The following ZFHX3 variants were observed in gnomAD, a reference collection of about 807,000 sequenced individuals.
ZFHX3 encodes zinc finger homeobox 3, also known as zinc finger homeobox protein 3.
ZFHX3 carries 42 observed loss-of-function variants against 279.1 expected under a neutral mutation model. That is an observed-to-expected ratio of 0.15 (90% CI 0.12 to 0.19). ZFHX3 has a LOEUF of 0.19. Ranked by LOEUF, ZFHX3 falls within the 10% of genes least tolerant of loss-of-function variation. ZFHX3 has a pLI of 1.00. For missense variants in ZFHX3, 4,981 were observed against 4,754.0 expected, an observed-to-expected ratio of 1.05 and a Z score of -1.40; for synonymous variants, 2,293 against 1,957.8, an observed-to-expected ratio of 1.17 and a Z score of -4.52.
At chr16:72,875,945 C>G (rs1233533533) in intron 4 of ZFHX3, among the ~76,000 whole-genome samples, 1 of 152,124 alleles carries the variant, frequency 6.6e-6, no homozygotes, top group Non-Finnish European at 1.5e-5. Context: ...GCCCATGCCC[C>G]GGTGATTTTT....
intron 5 of ZFHX3, among the ~76,000 whole-genome samples, chr16:73,183,210 A>G (rs1453476401): frequency 4.6e-5 from 7 of 152,200 alleles, no homozygotes; most frequent in Non-Finnish European, 1.0e-4. Context: ...GTCTAAAACA[A>G]AACAAAAAAA....
At chr16:73,719,352 G>C (rs557740063) in intron 1 of ZFHX3, among the ~76,000 whole-genome samples, 1 of 152,300 alleles carries the variant, frequency 6.6e-6, no homozygotes, top group Admixed American at 6.5e-5. Flanking sequence ...ATTATGTCAG[G>C]TGGCACCTGC....
chr16:73,088,904 C>A (rs60404764), intron 8 of ZFHX3, among the ~76,000 whole-genome samples: 6 of 151,950 alleles, frequency 3.9e-5, no homozygotes, highest in Non-Finnish European at 8.8e-5. Context: ...GTTTAGTATC[C>A]ATGGTGGGGG....
chr16:73,091,729 A>G (rs770614067), intron 8 of ZFHX3, among the ~76,000 whole-genome samples: 3 of 152,230 alleles, frequency 2.0e-5, no homozygotes, highest in Non-Finnish European at 2.9e-5. Context: ...AGAAATTCGC[A>G]AAATATAGCA....
At chr16:73,661,673 G>C (rs2052786088) in intron 2 of ZFHX3, among the ~76,000 whole-genome samples, 4 of 143,442 alleles carry the variant, frequency 2.8e-5, no homozygotes, top group African/African-American at 1.0e-4. Context: ...AGTGAGTTGA[G>C]ATCCTGCCTC....
At chr16:73,855,089 C>T (rs930824978) in intron 1 of ZFHX3, among the ~76,000 whole-genome samples, 11 of 152,080 alleles carry the variant, frequency 7.2e-5, no homozygotes, top group African/African-American at 2.7e-4. Context: ...ACAATAAGGA[C>T]CTTACATTTT....
chr16:73,546,709 G>T (rs1362522868), intron 2 of ZFHX3, among the ~76,000 whole-genome samples: 1 of 121,458 alleles, frequency 8.2e-6, no homozygotes, highest in Non-Finnish European at 1.5e-5. Context: ...TGCTGCTGCT[G>T]CTGCTGCTGC....
At chr16:73,103,983 C>T (rs562420421) in intron 7 of ZFHX3, among the ~76,000 whole-genome samples, 1 of 152,208 alleles carries the variant, frequency 6.6e-6, no homozygotes, top group Non-Finnish European at 1.5e-5. Context: ...GTCTATCTCC[C>T]AGTCTCACGG....
At chr16:72,859,444 CCTT>C (rs2037830062) in intron 4 of ZFHX3, among the ~76,000 whole-genome samples, 1 of 152,214 alleles carries the variant, frequency 6.6e-6, no homozygotes, top group Non-Finnish European at 1.5e-5. Flanking sequence ...CCCACCTCAG[CCTT>C]CTTCTCCCAA....
chr16:73,649,584 A>G (rs922300802), intron 2 of ZFHX3, among the ~76,000 whole-genome samples: 4 of 152,206 alleles, frequency 2.6e-5, no homozygotes, highest in Non-Finnish European at 4.4e-5. Context: ...TGAGTTTTAT[A>G]TTTTAAAAAA....
At chr16:73,741,412 C>G (rs994781644) in intron 1 of ZFHX3, among the ~76,000 whole-genome samples, 1 of 152,176 alleles carries the variant, frequency 6.6e-6, no homozygotes, top group Non-Finnish European at 1.5e-5. Flanking sequence ...CTTCTCCATG[C>G]TCCAGAAGCA....
intron 1 of ZFHX3, among the ~76,000 whole-genome samples, chr16:73,713,557 C>T (rs920815236): frequency 6.6e-6 from 1 of 152,138 alleles, no homozygotes; most frequent in African/African-American, 2.4e-5. Flanking sequence ...ATACTCCAGA[C>T]AGCTTTCAAA....
At chr16:73,554,789 A>C (rs544093214) in intron 2 of ZFHX3, 13 of 152,300 alleles carry the variant, frequency 8.5e-5, no homozygotes, top group Middle Eastern at 3.4e-3. Context: ...CCAGCCTCCC[A>C]GGGACTCTGC....
intron 3 of ZFHX3, among the ~76,000 whole-genome samples, chr16:73,346,343 C>T (rs867449459): frequency 6.6e-6 from 1 of 152,184 alleles, no homozygotes. Context: ...CTCTCGCCAC[C>T]ATGGATGCAC....
intron 1 of ZFHX3, among the ~76,000 whole-genome samples, chr16:73,000,636 T>C (rs2144594607): frequency 6.6e-6 from 1 of 152,308 alleles, no homozygotes; most frequent in South Asian, 2.1e-4. Flanking sequence ...TCTGAATAGC[T>C]GCCTAACCCA....
At position 72,794,476 on chromosome 16, in the gene ZFHX3, G is replaced by A. The variant is rs148004755; in HGVS notation, c.8206C>T (p.His2736Tyr). Residue 2736 changes from histidine (H) to tyrosine (Y), a missense_variant, in exon 9 of 10, where the codon CAT becomes TAT. His to Tyr is a moderately conservative substitution (Grantham distance 83). Coordinates refer to ENST00000268489, the MANE Select transcript of ZFHX3 (RefSeq NM_006885.4). The surrounding 1 kb of genome is among the most constrained non-coding windows in gnomAD (Gnocchi z 4.2). ...LEAHIRSRHW[H>Y]EAKRAGYNLT... ...TTGTAGCCAGCTCTCTTGGCTTCAT[G>A]CCAGTGACGGGACCGGATATGAGCC... 8.1e-6 allele frequency: 13 copies of A among 1,614,068 alleles called. No individual in the cohort carries two copies. The African/African-American group carries it at 1.5e-4, about 18-fold the overall frequency.
chr16:73,262,944 G>A (rs1048952515), intron 4 of ZFHX3, among the ~76,000 whole-genome samples: 1 of 152,030 alleles, frequency 6.6e-6, no homozygotes, highest in African/African-American at 2.4e-5. Context: ...TGAGTGAGGG[G>A]CCCCAGAGCT....
intron 1 of ZFHX3, among the ~76,000 whole-genome samples, chr16:73,054,421 G>A (rs1965507518): frequency 6.9e-6 from 1 of 145,284 alleles, no homozygotes; most frequent in Admixed American, 6.8e-5. Context: ...GATACAGGAG[G>A]TCGGTATGGA....
At chr16:72,878,627 G>C (rs1292209299) in intron 4 of ZFHX3, among the ~76,000 whole-genome samples, 1 of 152,208 alleles carries the variant, frequency 6.6e-6, no homozygotes, top group Non-Finnish European at 1.5e-5. Context: ...TTCTATCCTG[G>C]AGAGAATCCA....
Sources: allele counts gnomAD v4.1 joint callset (sites outside exome capture counted in the v4.1 genomes callset), GRCh38; gene constraint gnomAD v4.1.1; non-coding constraint Gnocchi (gnomAD v3.1); transcripts MANE v1.5; gene names NCBI Gene and HGNC (gene_info 2026-07-23, HGNC 2026-07-21).